The following POLR1A variants were observed in gnomAD, a reference collection of about 807,000 sequenced individuals.
POLR1A encodes DNA-directed RNA polymerase I subunit RPA1.
A neutral mutation model predicts 205.3 loss-of-function variants in POLR1A; 84 were observed. The observed-to-expected ratio is 0.41, with a 90% confidence interval of 0.34 to 0.49. The LOEUF is 0.49. POLR1A is among the 20% of genes least tolerant of loss of function. POLR1A has a pLI of 0.22. For synonymous variants in POLR1A, 799 were observed against 863.7 expected (o/e 0.93, Z 1.31); for missense variants, 1,645 against 2,204.5 (o/e 0.75, Z 5.08).
chr2:86,040,023 G>A lies in POLR1A; in HGVS notation c.3740+369C>T, dbSNP rs550352242. The A allele has an allele frequency of 1.9e-4, 39 of 207,382 alleles. 1 individual carries two copies. Among genetic ancestry groups the A allele is most frequent in the African/African-American group, 9.0e-4 (39 of 43,534 alleles). The allele number at this position is 207,382 out of a possible 1,614,324, so 12.8% of individuals were successfully genotyped here. On this transcript the variant is annotated intron_variant, in intron 25 of 33. Coordinates refer to ENST00000263857, the MANE Select transcript of POLR1A (RefSeq NM_015425.6). The stretch of plus-strand genomic sequence containing the variant: ...CTGAAGGGCCAGGGCCCAGGGCCAC[G>A]TGGGGGCACGTTCTATGTGAATGGC...
At chr2:86,060,172 A>G (rs1485584718) in intron 14 of POLR1A, among the ~76,000 whole-genome samples, 1 of 152,222 alleles carries the variant, frequency 6.6e-6, no homozygotes, top group African/African-American at 2.4e-5. Context: ...TACATAATTG[A>G]AGGACATACT....
chr2:86,044,161 G>A lies in POLR1A; in HGVS notation c.3113C>T (p.Pro1038Leu). The A allele has an allele frequency of 6.2e-7, 1 of 1,614,198 alleles. No individual in the cohort carries two copies. The highest frequency in any genetic ancestry group is 8.5e-7 in the Non-Finnish European group (1 of 1,180,030). Residue 1038 changes from proline to leucine, a missense_variant, in exon 22 of 34, where the codon CCC becomes CTC. Coordinates refer to ENST00000263857, the MANE Select transcript of POLR1A (RefSeq NM_015425.6). ...KTQFLQPKQF[P>L]FLASNYEVIM... ...TACCTCGTAGTTGCTGGCCAGGAAGGGGAACTGCTTGGGCTGCAGGAACTG... is the reference window on the plus strand; with the variant it reads ...TACCTCGTAGTTGCTGGCCAGGAAGAGGAACTGCTTGGGCTGCAGGAACTG...
chr2:86,081,263 G>A (rs1471520937), intron 8 of POLR1A, among the ~76,000 whole-genome samples: 2 of 152,130 alleles, frequency 1.3e-5, no homozygotes, highest in Non-Finnish European at 2.9e-5. Context: ...GGGTGTGGTG[G>A]TGCGTGCCTG....
In POLR1A at chr2:86,042,988, G is replaced by A. The variant is rs1432892958; in HGVS notation, c.3343C>T (p.Pro1115Ser). The change falls in exon 23 of 34, where the codon CCT becomes TCT. Residue 1115 changes from proline to serine, a missense_variant. Pro to Ser is a moderately conservative substitution (Grantham distance 74, BLOSUM62 -1). Coordinates refer to ENST00000263857, the MANE Select transcript of POLR1A (RefSeq NM_015425.6). ...CCCTGCATCACCTCCTGAGTCCCAG[G>A]GCTGCGGCCATTGCGGTTTTCACTC... Reference protein sequence around the residue: ...LESENRNGRSPGTQEMLRMWY... With the variant: ...LESENRNGRSSGTQEMLRMWY... 6.2e-7 allele frequency: 1 copy of A among 1,613,514 alleles called. No individual in the cohort carries two copies.
chr2:86,047,402 G>A (rs1672728648), intron 18 of POLR1A, 139 bp from the exon 19 acceptor site: 8 of 625,074 alleles, frequency 1.3e-5, no homozygotes, highest in Non-Finnish European at 1.7e-5. Context: ...CTCGAGGTAA[G>A]AGAAAGCCTC....
rs1474739507 is a variant in POLR1A, at chr2:86,084,691, G to A, written c.731-1523C>T. Among the ~76,000 whole-genome samples the A allele has an allele frequency of 4.9e-5, 7 of 143,416 alleles. No homozygotes were observed. The Admixed American group carries it at 4.9e-4, about 10-fold the overall frequency. The allele number at this position is 143,416 out of a possible 152,430, so 94.1% of individuals were successfully genotyped here. A position where few individuals can be genotyped will look rare whatever the true frequency, so the allele number is the denominator to read the frequency against. On this transcript the variant is annotated intron_variant, in intron 6 of 33. Transcript: ENST00000263857. ...TTTTTTTTTTTTTTTTTTTCAAGAC[G>A]GAGTCTTGCTCGTCACCCAGGCTGG... is the stretch of plus-strand genomic sequence containing the variant.
intron 6 of POLR1A, among the ~76,000 whole-genome samples, chr2:86,085,329 G>A (rs1673485928): frequency 6.6e-6 from 1 of 152,186 alleles, no homozygotes; most frequent in South Asian, 2.1e-4. Flanking sequence ...AGTCATCAAA[G>A]CAGAACTGCT....
At chr2:86,097,214 CAAAA>C (rs757210116) in intron 3 of POLR1A, among the ~76,000 whole-genome samples, 162 of 39,672 alleles carry the variant, frequency 4.1e-3, no homozygotes, top group African/African-American at 0.01. Context: ...CCCCAAAAGA[CAAAA>C]AAAAAAAAAA....
chr2:86,083,649 C>A (rs1392531521), intron 6 of POLR1A, among the ~76,000 whole-genome samples: 2 of 152,132 alleles, frequency 1.3e-5, no homozygotes, highest in African/African-American at 2.4e-5. Flanking sequence ...ATTCACTTAA[C>A]CATATTCTCA....
At chr2:86,081,467 C>T in intron 8 of POLR1A, 134 bp downstream of exon 8, 1 of 609,760 alleles carries the variant, frequency 1.6e-6, no homozygotes, top group Admixed American at 3.1e-5. Context: ...CAAGCCCTCC[C>T]ACCACCTGCA....
Position 86,054,383 on chromosome 2 carries a change from C to G in POLR1A, c.2059-94G>C. 9.4e-6 allele frequency: 12 copies of G among 1,275,244 alleles called. No homozygotes were observed. The South Asian group carries it at 1.6e-4, about 17-fold the overall frequency. The allele number at this position is 1,275,244 out of a possible 1,614,324, so 79.0% of individuals were successfully genotyped here. A position where few individuals can be genotyped will look rare whatever the true frequency, so the allele number is the denominator to read the frequency against. On this transcript the variant is annotated intron_variant, in intron 14 of 33. Coordinates refer to ENST00000263857, the MANE Select transcript of POLR1A (RefSeq NM_015425.6). The stretch of plus-strand genomic sequence containing the variant: ...GCAAAAAGAAGAGTTAAGAACTTCC[C>G]TTTTAGGACCTCCTGCCCTTGCAAT...
At chr2:86,029,402 T>G (rs1672338734) in intron 31 of POLR1A, among the ~76,000 whole-genome samples, 1 of 151,974 alleles carries the variant, frequency 6.6e-6, no homozygotes, top group African/African-American at 2.4e-5. Flanking sequence ...ACCCAGAAAG[T>G]TCTGGGAGAG....
At chr2:86,030,057 G>C (rs1418058006) in intron 31 of POLR1A, 139 bp downstream of exon 31, 9 of 693,328 alleles carry the variant, frequency 1.3e-5, no homozygotes, top group Admixed American at 1.2e-4. Context: ...TTGGTTTGGG[G>C]AATGTGGCCT....
At chr2:86,059,199 T>C (rs572995909) in intron 14 of POLR1A, among the ~76,000 whole-genome samples, 2 of 152,318 alleles carry the variant, frequency 1.3e-5, no homozygotes, top group Admixed American at 6.5e-5. Context: ...GTACATCCAG[T>C]GAATGAAATC....
chr2:86,058,254 C>T (rs2104403294), intron 14 of POLR1A, among the ~76,000 whole-genome samples: 1 of 152,282 alleles, frequency 6.6e-6, no homozygotes, highest in East Asian at 1.9e-4. Flanking sequence ...GCATGTGCCA[C>T]CATGCCTGGA....
chr2:86,039,284 C>G (rs1326530264), intron 26 of POLR1A, 43 bp downstream of exon 26: 2 of 1,607,792 alleles, frequency 1.2e-6, no homozygotes, highest in Non-Finnish European at 8.5e-7. Flanking sequence ...GATATAGGAA[C>G]ATGCCTTCAC....
chr2:86,100,707 G>A (rs904531107), intron 1 of POLR1A, among the ~76,000 whole-genome samples: 3 of 151,662 alleles, frequency 2.0e-5, no homozygotes, highest in South Asian at 4.2e-4. Flanking sequence ...ACAATTTTTC[G>A]ATTAATATTT....
At chr2:86,029,942 C>T (rs981552659) in intron 31 of POLR1A, among the ~76,000 whole-genome samples, 1 of 152,152 alleles carries the variant, frequency 6.6e-6, no homozygotes, top group Non-Finnish European at 1.5e-5. Flanking sequence ...TCAAATTAAC[C>T]CGGGCGACTC....
intron 8 of POLR1A, 28 bp downstream of exon 8, chr2:86,081,573 G>A (rs770163129): frequency 1.4e-6 from 2 of 1,400,242 alleles, no homozygotes; most frequent in Admixed American, 2.0e-5. Flanking sequence ...TTTTTTTCAG[G>A]TGAAATAAGT....
Sources: gnomAD v4.1 joint callset for allele counts (sites outside exome capture counted in the v4.1 genomes callset) on GRCh38, gnomAD v4.1.1 for gene constraint, MANE v1.5 for transcripts, NCBI Gene and HGNC (gene_info 2026-07-23, HGNC 2026-07-21) for gene names.